The following ANKRD17 variants were observed in gnomAD, a reference collection of about 807,000 sequenced individuals.
The protein encoded by ANKRD17 is ankyrin repeat domain 17, also known as ankyrin repeat domain-containing protein 17.
ANKRD17 carries 19 observed loss-of-function variants against 229.7 expected under a neutral mutation model. That is an observed-to-expected ratio of 0.08 (90% CI 0.06 to 0.12). ANKRD17 has a LOEUF of 0.12. Among genes scored for constraint, ANKRD17 ranks in the 10% least tolerant of loss-of-function variants. ANKRD17 has a pLI of 1.00. For missense variants in ANKRD17, 2,176 were observed against 3,176.8 expected (o/e 0.68, Z 7.57); for synonymous variants, 1,112 against 1,146.1 (o/e 0.97, Z 0.60).
intron 2 of ANKRD17, among the ~76,000 whole-genome samples, chr4:73,165,755 T>A (rs534573351): frequency 6.6e-6 from 1 of 152,148 alleles, no homozygotes; most frequent in East Asian, 1.9e-4. Context: ...AGTCAGAGAT[T>A]AAAAGCACAA....
chr4:73,137,369 CAG>C (rs1436391636), intron 15 of ANKRD17, among the ~76,000 whole-genome samples: 1 of 152,078 alleles, frequency 6.6e-6, no homozygotes, highest in African/African-American at 2.4e-5. Context: ...ACAGGAAAGA[CAG>C]ACGATTTTGG....
intron 25 of ANKRD17, among the ~76,000 whole-genome samples, chr4:73,100,643 G>T (rs1723859712): frequency 6.6e-6 from 1 of 151,778 alleles, no homozygotes; most frequent in Admixed American, 6.6e-5. Flanking sequence ...AGTATCTGGG[G>T]GTGATTTCAC....
intron 16 of ANKRD17, among the ~76,000 whole-genome samples, chr4:73,133,749 G>A (rs1728548570): frequency 6.6e-6 from 1 of 151,986 alleles, no homozygotes; most frequent in African/African-American, 2.4e-5. Context: ...TGTCTTTGGG[G>A]GATGGTGGCA....
At chr4:73,077,838 A>G (rs538682280) in intron 31 of ANKRD17, among the ~76,000 whole-genome samples, 6 of 152,250 alleles carry the variant, frequency 3.9e-5, no homozygotes, top group Non-Finnish European at 8.8e-5. Flanking sequence ...CTTGCATTAG[A>G]TATTTTCTGA....
chr4:73,095,479 G>A (rs969864147), intron 27 of ANKRD17, among the ~76,000 whole-genome samples: 2 of 151,514 alleles, frequency 1.3e-5, no homozygotes, highest in African/African-American at 2.4e-5. Flanking sequence ...GCATGCACCT[G>A]TAATCCCAGC....
At chr4:73,189,581 C>T (rs1009686804) in intron 1 of ANKRD17, among the ~76,000 whole-genome samples, 2 of 152,008 alleles carry the variant, frequency 1.3e-5, no homozygotes, top group Admixed American at 1.3e-4. Context: ...CCCCCTCAGC[C>T]ACCCAAAGTG....
At chr4:73,145,968 A>T (rs1420398071) in intron 10 of ANKRD17, among the ~76,000 whole-genome samples, 1 of 152,130 alleles carries the variant, frequency 6.6e-6, no homozygotes, top group Non-Finnish European at 1.5e-5. Context: ...GTTGCTTATT[A>T]ATCTTAGAAT....
At chr4:73,192,442 A>T (rs1737253885) in intron 1 of ANKRD17, among the ~76,000 whole-genome samples, 1 of 152,102 alleles carries the variant, frequency 6.6e-6, no homozygotes, top group Non-Finnish European at 1.5e-5. Context: ...AAGAATGTAC[A>T]CAAAAAATTT....
rs1560504349 is a variant in ANKRD17, at chr4:73,091,506, G to A, written c.6122C>T (p.Ser2041Leu). ...MPTAKEHYPVSSPSSPSPPAQ... is the reference protein window; with the variant it reads ...MPTAKEHYPVLSPSSPSPPAQ... ...TGGTGGTGATGGGGAAGATGGGGAT[G>A]ATACTGGATAGTGTTCTTTGGCAGT... is the stretch of plus-strand genomic sequence containing the variant. The change falls in exon 29 of 34, where the codon TCA becomes TTA. Residue 2041 changes from serine (S) to leucine (L), a missense_variant. Around this residue, in one of 18 missense-constraint regions of ANKRD17, gnomAD observed 424 missense variants for 454.0 expected, o/e 0.93. Coordinates refer to ENST00000358602, the MANE Select transcript of ANKRD17 (RefSeq NM_032217.5). 2 of 1,614,180 alleles carry A rather than the reference G, an allele frequency of 1.2e-6. No individual in the cohort carries two copies. The highest frequency in any genetic ancestry group is 1.7e-6 in the Non-Finnish European group (2 of 1,180,046).
At chr4:73,201,336 A>C (rs1391600714) in intron 1 of ANKRD17, among the ~76,000 whole-genome samples, 3 of 152,128 alleles carry the variant, frequency 2.0e-5, no homozygotes, top group African/African-American at 7.2e-5. Context: ...TACTATAGGG[A>C]AATTGGAAAT....
At chr4:73,172,407 G>C (rs377511576) in intron 2 of ANKRD17, among the ~76,000 whole-genome samples, 4 of 152,214 alleles carry the variant, frequency 2.6e-5, no homozygotes, top group East Asian at 3.9e-4. Flanking sequence ...TGTCCTACAA[G>C]AAACACTAAA....
At chr4:73,125,173 C>CA (rs1727270225) in intron 17 of ANKRD17, 28 bp downstream of exon 17, 1 of 1,589,412 alleles carries the variant, frequency 6.3e-7, no homozygotes, top group African/African-American at 1.4e-5. Flanking sequence ...ACCAGTATTC[C>CA]AAAAAATAAA....
chr4:73,190,389 T>C (rs1736891177), intron 1 of ANKRD17, among the ~76,000 whole-genome samples: 1 of 151,786 alleles, frequency 6.6e-6, no homozygotes, highest in Admixed American at 6.6e-5. Context: ...TAAATAAATA[T>C]TCTACTAGAA....
rs770308842 is a variant in ANKRD17, at chr4:73,121,098, G to C, written c.3636-4C>G. ...GATGCCCAATTTGCTACCAGTTCTA[G>C]GGGTGCAGGTATGGGGAAAACAAAT... On this transcript the variant is annotated splice_region_variant and splice_polypyrimidine_tract_variant and intron_variant, in intron 19 of 33. Transcript: ENST00000358602. 3.7e-6 allele frequency: 6 copies of C among 1,612,188 alleles called. No homozygotes were observed. Among genetic ancestry groups the C allele is most frequent in the Non-Finnish European group, 3.4e-6 (4 of 1,178,484 alleles).
chr4:73,138,397 C>T (rs1729177782), intron 15 of ANKRD17, among the ~76,000 whole-genome samples: 1 of 152,102 alleles, frequency 6.6e-6, no homozygotes, highest in South Asian at 2.1e-4. Flanking sequence ...GCAAACTTTA[C>T]AGATATTTTT....
chr4:73,135,381 AC>A, intron 15 of ANKRD17, 116 bp from the exon 16 acceptor site: 1 of 914,378 alleles, frequency 1.1e-6, no homozygotes, highest in Non-Finnish European at 1.6e-6. Flanking sequence ...CAGGAAGACT[AC>A]TATAGCACTA....
intron 1 of ANKRD17, among the ~76,000 whole-genome samples, chr4:73,182,246 T>C (rs1735683623): frequency 6.6e-6 from 1 of 151,938 alleles, no homozygotes. Flanking sequence ...TTTTTAAAAG[T>C]TGTATTTAAA....
intron 1 of ANKRD17, among the ~76,000 whole-genome samples, chr4:73,233,835 C>T (rs1056062865): frequency 1.3e-5 from 2 of 152,158 alleles, no homozygotes; most frequent in African/African-American, 2.4e-5. Context: ...TTCAAGCATT[C>T]AACACAGCTG....
intron 16 of ANKRD17, among the ~76,000 whole-genome samples, chr4:73,132,004 TTTA>T (rs1434938157): frequency 6.6e-6 from 1 of 152,168 alleles, no homozygotes; most frequent in African/African-American, 2.4e-5. Flanking sequence ...CCACAAAATT[TTTA>T]TTTTCTTATC....
Sources: allele counts gnomAD v4.1 joint callset (sites outside exome capture counted in the v4.1 genomes callset), GRCh38; gene constraint gnomAD v4.1.1; regional missense constraint gnomAD v4.1.1; transcripts MANE v1.5; gene names NCBI Gene and HGNC (gene_info 2026-07-23, HGNC 2026-07-21).